CTNND1: variants seen among roughly 807,000 people sequenced by gnomAD.
CTNND1 encodes the protein catenin delta-1.
Under a neutral mutation model 112.1 loss-of-function variants are expected in CTNND1, and 16 were observed. The ratio of observed to expected loss-of-function variants is 0.14; its 90% CI spans 0.10 to 0.22. The LOEUF is 0.22. CTNND1 is among the 10% of genes least tolerant of loss of function. The probability of loss-of-function intolerance (pLI) is 1.00; values close to 1 mark genes in which losing one functional copy is unlikely to be tolerated. For synonymous variants in CTNND1, 420 were observed against 446.5 expected (o/e 0.94, Z 0.75); for missense variants, 1,008 against 1,257.0 (o/e 0.80, Z 3.00).
chr11:57,777,293 C>T (rs892626434), intron 1 of CTNND1, among the ~76,000 whole-genome samples: 19 of 152,062 alleles, frequency 1.2e-4, no homozygotes, highest in African/African-American at 4.6e-4. Context: ...GGACTAAATC[C>T]TTCTTTTTTT....
intron 1 of CTNND1, among the ~76,000 whole-genome samples, chr11:57,771,304 C>T (rs1227211293): frequency 2.0e-5 from 3 of 151,806 alleles, no homozygotes; most frequent in Non-Finnish European, 4.4e-5. Flanking sequence ...TTGTGAGAGA[C>T]AAATAATAAG....
intron 11 of CTNND1, 90 bp from the exon 12 acceptor site, chr11:57,806,825 T>C: frequency 8.8e-7 from 1 of 1,142,720 alleles, no homozygotes; most frequent in Non-Finnish European, 1.3e-6. Flanking sequence ...GATCAAAAGG[T>C]TCTGACTGAA....
At chr11:57,766,673 A>T (rs1951151197) in intron 1 of CTNND1, among the ~76,000 whole-genome samples, 1 of 152,222 alleles carries the variant, frequency 6.6e-6, no homozygotes. Flanking sequence ...GAAGGCAAGA[A>T]CAACTGTTCT....
At chr11:57,775,021 T>G (rs1356839732) in intron 1 of CTNND1, among the ~76,000 whole-genome samples, 2 of 138,388 alleles carry the variant, frequency 1.4e-5, no homozygotes, top group Admixed American at 7.3e-5. Context: ...CCTATGAGGG[T>G]TTTTTTTTTT....
At chr11:57,807,313 G>T (rs540583740) in intron 12 of CTNND1, among the ~76,000 whole-genome samples, 10 of 152,254 alleles carry the variant, frequency 6.6e-5, no homozygotes, top group African/African-American at 2.4e-4. Context: ...TACCAAGAAA[G>T]ATACTTTTTA....
In CTNND1 at chr11:57,816,417, G is replaced by A. The variant is rs966455984; in HGVS notation, c.*109G>A. The A allele has an allele frequency of 1.4e-6, 2 of 1,391,368 alleles. No homozygotes were observed. Among genetic ancestry groups the A allele is most frequent in the Non-Finnish European group, 2.0e-6 (2 of 986,480 alleles). 86.2% of individuals were successfully genotyped at this position (1,391,368 alleles called of 1,614,324 possible). On this transcript the variant is annotated 3_prime_UTR_variant, in exon 21 of 21. Coordinates refer to ENST00000399050, the MANE Select transcript of CTNND1 (RefSeq NM_001085458.2). ...GCTGGACTATTGTGCCAACTGCCAGGCTGCCTCCTGCCCTTACAGCCCTAA... is the reference window on the plus strand; with the variant it reads ...GCTGGACTATTGTGCCAACTGCCAGACTGCCTCCTGCCCTTACAGCCCTAA...
rs774714512 is a variant in CTNND1, at chr11:57,806,439, A to G, written c.1877-22A>G. On this transcript the variant is annotated intron_variant, in intron 10 of 20. Coordinates refer to ENST00000399050, the MANE Select transcript of CTNND1 (RefSeq NM_001085458.2). ...ATTTCATTTCTCTTCTCTGCTTTCT[A>G]CCTTGGGTGATGCACTGGAAGATGA... is the stretch of plus-strand genomic sequence containing the variant. The G allele has an allele frequency of 2.5e-6, 4 of 1,596,034 alleles. No individual in the cohort carries two copies. The South Asian group carries it at 4.5e-5, about 18-fold the overall frequency.
chr11:57,784,453 G>A (rs751191027), intron 1 of CTNND1, among the ~76,000 whole-genome samples: 4 of 151,646 alleles, frequency 2.6e-5, no homozygotes, highest in Non-Finnish European at 5.9e-5. Context: ...TGGAAATGGA[G>A]TTTTGCCTGT....
chr11:57,771,219 G>A (rs1257317921), intron 1 of CTNND1, among the ~76,000 whole-genome samples: 4 of 151,976 alleles, frequency 2.6e-5, no homozygotes, highest in Non-Finnish European at 4.4e-5. Flanking sequence ...TTGAGAGTCT[G>A]TTTATGCCAT....
chr11:57,815,253 C>T, intron 18 of CTNND1, 141 bp from the exon 19 acceptor site: 1 of 559,468 alleles, frequency 1.8e-6, no homozygotes, highest in Non-Finnish European at 3.2e-6. Context: ...AAGTCGGGGA[C>T]CATCAGACTT....
chr11:57,810,049 G>T, intron 15 of CTNND1, 60 bp from the exon 16 acceptor site: 1 of 1,315,436 alleles, frequency 7.6e-7, no homozygotes, highest in Non-Finnish European at 1.1e-6. Context: ...AGGATATAGG[G>T]TCTAAGCTTT....
intron 1 of CTNND1, among the ~76,000 whole-genome samples, chr11:57,785,708 C>A (rs2060056100): frequency 6.6e-6 from 1 of 151,918 alleles, no homozygotes; most frequent in Non-Finnish European, 1.5e-5. Flanking sequence ...CACCACCAAG[C>A]CTGGCTAATT....
In CTNND1 at chr11:57,805,910, G is replaced by A. The variant is rs1486500759; in HGVS notation, c.1751G>A (p.Arg584Gln). The change falls in exon 10 of 21, where the codon CGG becomes CAG. Residue 584 changes from arginine (R) to glutamine (Q), a missense_variant. Physicochemically the swap from Arg to Gln is conservative, Grantham distance 43 (BLOSUM62 1). Transcript: ENST00000399050. ...KLVENCVCLL[R>Q]NLSYQVHREI... ...GTAGAGAACTGTGTTTGCCTTCTTC[G>A]GAACTTATCATATCAAGTTCACCGG... is the stretch of plus-strand genomic sequence containing the variant. 6.2e-7 allele frequency: 1 copy of A among 1,613,570 alleles called. No individual in the cohort carries two copies. The highest frequency in any genetic ancestry group is 1.1e-5 in the South Asian group (1 of 91,016).
intron 6 of CTNND1, 54 bp downstream of exon 6, chr11:57,797,046 G>T (rs372583467): frequency 1.4e-6 from 2 of 1,382,014 alleles, no homozygotes; most frequent in East Asian, 4.8e-5. Flanking sequence ...GGGACAAGGG[G>T]TAGCTTTTCC....
chr11:57,766,509 T>TG (rs1951113092), intron 1 of CTNND1, among the ~76,000 whole-genome samples: 1 of 152,192 alleles, frequency 6.6e-6, no homozygotes, highest in South Asian at 2.1e-4. Flanking sequence ...GTAATAAGGA[T>TG]GTGAATAAGT....
chr11:57,779,356 G>A (rs1411321817), intron 1 of CTNND1, among the ~76,000 whole-genome samples: 1 of 152,220 alleles, frequency 6.6e-6, no homozygotes, highest in African/African-American at 2.4e-5. Flanking sequence ...AATAGCACCT[G>A]TAATACCCTC....
chr11:57,805,788 TC>T, intron 9 of CTNND1, 93 bp from the exon 10 acceptor site: 1 of 1,397,784 alleles, frequency 7.2e-7, no homozygotes. Context: ...CATTTGAAGA[TC>T]AACATTTTAA....
chr11:57,792,949 G>T (rs1018360580), intron 3 of CTNND1, among the ~76,000 whole-genome samples: 1 of 151,896 alleles, frequency 6.6e-6, no homozygotes, highest in Non-Finnish European at 1.5e-5. Flanking sequence ...CAGCATGCTT[G>T]CAGTGTTCCT....
rs922623573 is a variant in CTNND1 at position 57,793,891 on chromosome 11, C to T, written c.196-119C>T. The T allele has an allele frequency of 1.1e-5, 10 of 921,666 alleles. No individual in the cohort carries two copies. In the Admixed American group the frequency reaches 1.8e-4, roughly 17 times the overall value. 57.1% of individuals were successfully genotyped at this position (921,666 alleles called of 1,614,324 possible). On this transcript the variant is annotated intron_variant, in intron 3 of 20. Coordinates refer to ENST00000399050, the MANE Select transcript of CTNND1 (RefSeq NM_001085458.2). Reference sequence around the variant, plus strand: ...TCTTTTATGAGTACTGACACAAGGACTCCAGGCCACACATATCTTCTTGAA... The same window carrying T: ...TCTTTTATGAGTACTGACACAAGGATTCCAGGCCACACATATCTTCTTGAA...
Sources: allele counts gnomAD v4.1 joint callset (sites outside exome capture counted in the v4.1 genomes callset), GRCh38; gene constraint gnomAD v4.1.1; transcripts MANE v1.5; gene names NCBI Gene and HGNC (gene_info 2026-07-23, HGNC 2026-07-21).